Variants in GPC6 observed in about 807,000 individuals in gnomAD.
GPC6 encodes glypican-6.
GPC6 carries 14 observed loss-of-function variants against 55.2 expected under a neutral mutation model. The ratio of observed to expected loss-of-function variants is 0.25; its 90% CI spans 0.17 to 0.40. The LOEUF (loss-of-function observed/expected upper bound fraction) is 0.40, where lower values mean the gene tolerates loss of function less well. Among genes scored for constraint, GPC6 ranks in the 10% least tolerant of loss-of-function variants. The pLI, the probability that GPC6 is intolerant of heterozygous loss-of-function variation, is 1.00. For synonymous variants in GPC6, 278 were observed against 259.6 expected (o/e 1.07, Z -0.68); for missense variants, 641 against 708.5 (o/e 0.90, Z 1.08).
At chr13:93,740,394 C>G (rs2138848241) in intron 2 of GPC6, among the ~76,000 whole-genome samples, 1 of 152,176 alleles carries the variant, frequency 6.6e-6, no homozygotes, top group South Asian at 2.1e-4. Context: ...ATTCCATGGA[C>G]AAGTGTTTTC....
intron 1 of GPC6, among the ~76,000 whole-genome samples, chr13:93,529,970 A>C (rs1225388317): frequency 6.6e-6 from 1 of 152,220 alleles, no homozygotes. Flanking sequence ...CATGAGAAGA[A>C]TCAGATGCAT....
intron 6 of GPC6, among the ~76,000 whole-genome samples, chr13:94,379,181 G>T (rs1383383690): frequency 6.6e-6 from 1 of 152,146 alleles, no homozygotes; most frequent in Non-Finnish European, 1.5e-5. Flanking sequence ...CAAGTTGAAA[G>T]GCCTTCCTGA....
intron 2 of GPC6, among the ~76,000 whole-genome samples, chr13:93,697,335 G>A (rs1280955833): frequency 6.6e-6 from 1 of 152,086 alleles, no homozygotes; most frequent in African/African-American, 2.4e-5. Flanking sequence ...TCTGATGAAA[G>A]TTTCCTCTCT....
chr13:93,479,637 A>C (rs1879439103), intron 1 of GPC6, among the ~76,000 whole-genome samples: 1 of 151,808 alleles, frequency 6.6e-6, no homozygotes, highest in Non-Finnish European at 1.5e-5. Context: ...AAAAATAAAA[A>C]AATTAGCTAG....
chr13:93,849,781 G>A (rs770041698), intron 3 of GPC6, among the ~76,000 whole-genome samples: 6 of 152,038 alleles, frequency 3.9e-5, no homozygotes, highest in Non-Finnish European at 7.4e-5. Context: ...TAGTTTCATA[G>A]TCTTCACACG....
intron 1 of GPC6, among the ~76,000 whole-genome samples, chr13:93,284,838 A>C (rs1191085585): frequency 6.6e-6 from 1 of 152,202 alleles, no homozygotes; most frequent in Non-Finnish European, 1.5e-5. Flanking sequence ...AGATATTTCA[A>C]TCTTGCTGCC....
chr13:93,609,084 G>C (rs1040606855), intron 2 of GPC6, among the ~76,000 whole-genome samples: 19 of 152,022 alleles, frequency 1.2e-4, no homozygotes, highest in Admixed American at 1.0e-3. Flanking sequence ...TTTTATTTTT[G>C]CTTTCAACCC....
chr13:94,146,075 A>G lies in GPC6; in HGVS notation c.877+118181A>G, dbSNP rs369812945. The stretch of plus-strand genomic sequence containing the variant: ...ATTCAAAACTGCGTAAACTTATGCA[A>G]GAATGCATGTTTTCTGATATTTCTG... On this transcript the variant is annotated intron_variant, in intron 4 of 8. Transcript: ENST00000377047. 7.2e-5 allele frequency among the ~76,000 whole-genome samples: 11 copies of G among 152,330 alleles called. No homozygotes were observed. The East Asian group carries it at 2.1e-3, about 29-fold the overall frequency.
rs549109989 is a variant in GPC6, at chr13:94,145,709, A to T, written c.877+117815A>T. On this transcript the variant is annotated intron_variant, in intron 4 of 8. Coordinates refer to ENST00000377047, the MANE Select transcript of GPC6 (RefSeq NM_005708.5). ...TGTGAACTTTTCCAAGTATGGGGGA[A>T]TTCAAAGATGAGCGGACCCTAAGCT... Among the ~76,000 whole-genome samples, 10 of 152,290 alleles carry T rather than the reference A, an allele frequency of 6.6e-5. No homozygotes were observed. In the South Asian group the frequency reaches 2.1e-3, roughly 32 times the overall value.
At chr13:94,194,516 T>C (rs939860459) in intron 4 of GPC6, among the ~76,000 whole-genome samples, 10 of 152,126 alleles carry the variant, frequency 6.6e-5, no homozygotes, top group Non-Finnish European at 1.5e-4. Flanking sequence ...AAACCAAACA[T>C]TGTATGTTCT....
chr13:93,436,078 A>G (rs1037566803), intron 1 of GPC6, among the ~76,000 whole-genome samples: 3 of 152,138 alleles, frequency 2.0e-5, no homozygotes, highest in African/African-American at 4.8e-5. Context: ...TTTGAGACCA[A>G]TTGTAGATAT....
chr13:93,919,662 A>T (rs1386707891), intron 3 of GPC6, among the ~76,000 whole-genome samples: 1 of 152,230 alleles, frequency 6.6e-6, no homozygotes, highest in East Asian at 1.9e-4. Context: ...CCAAAAAAAT[A>T]TGAAGTTATA....
chr13:93,686,482 C>A (rs1354582382), intron 2 of GPC6, among the ~76,000 whole-genome samples: 2 of 152,072 alleles, frequency 1.3e-5, no homozygotes, highest in Non-Finnish European at 2.9e-5. Context: ...GTCCTGTTTT[C>A]TTCTGTACCT....
At chr13:94,199,638 C>A (rs908074020) in intron 4 of GPC6, among the ~76,000 whole-genome samples, 2 of 152,142 alleles carry the variant, frequency 1.3e-5, no homozygotes, top group Non-Finnish European at 2.9e-5. Context: ...TTTTTTAAAG[C>A]AGTTCTTTTT....
At chr13:94,120,792 A>G (rs887241106) in intron 4 of GPC6, among the ~76,000 whole-genome samples, 2 of 152,118 alleles carry the variant, frequency 1.3e-5, no homozygotes, top group African/African-American at 4.8e-5. Flanking sequence ...GGAGGAATCA[A>G]TGAATCAGGT....
At chr13:93,469,531 A>G (rs1344726809) in intron 1 of GPC6, among the ~76,000 whole-genome samples, 1 of 152,200 alleles carries the variant, frequency 6.6e-6, no homozygotes, top group Non-Finnish European at 1.5e-5. Flanking sequence ...ATTTGGTGTC[A>G]TAACTCCAGA....
At chr13:93,820,393 G>A (rs1428509329) in intron 2 of GPC6, among the ~76,000 whole-genome samples, 1 of 151,818 alleles carries the variant, frequency 6.6e-6, no homozygotes, top group Non-Finnish European at 1.5e-5. Flanking sequence ...CACATTGAGA[G>A]TAATATAATA....
intron 1 of GPC6, among the ~76,000 whole-genome samples, chr13:93,471,533 A>T (rs1376195634): frequency 6.6e-6 from 1 of 152,152 alleles, no homozygotes. Flanking sequence ...AAGAAAAAAA[A>T]GCAAATTTTC....
chr13:94,388,227 A>T (rs897878907), intron 7 of GPC6, among the ~76,000 whole-genome samples: 9 of 152,206 alleles, frequency 5.9e-5, no homozygotes, highest in Non-Finnish European at 8.8e-5. Flanking sequence ...CAGTCCACAC[A>T]CAAGCCTCAG....
Sources: gnomAD v4.1 joint callset for allele counts (sites outside exome capture counted in the v4.1 genomes callset) on GRCh38, gnomAD v4.1.1 for gene constraint, MANE v1.5 for transcripts, NCBI Gene and HGNC (gene_info 2026-07-23, HGNC 2026-07-21) for gene names.